Variants in MPHOSPH10 observed in about 807,000 individuals in gnomAD.
MPHOSPH10 encodes U3 small nucleolar ribonucleoprotein MPP10.
MPHOSPH10 carries 33 observed loss-of-function variants against 77.3 expected under a neutral mutation model. That is an observed-to-expected ratio of 0.43 (90% CI 0.32 to 0.57). MPHOSPH10 has a LOEUF of 0.57. Among genes scored for constraint, MPHOSPH10 ranks in the 20% least tolerant of loss-of-function variants. The pLI, the probability that MPHOSPH10 is intolerant of heterozygous loss-of-function variation, is 0.07. For synonymous variants in MPHOSPH10, 245 were observed against 268.0 expected (o/e 0.91, Z 0.84); for missense variants, 708 against 780.1 (o/e 0.91, Z 1.10).
chr2:71,134,917 A>G (rs974473489), intron 4 of MPHOSPH10, 120 bp downstream of exon 4: 2 of 766,668 alleles, frequency 2.6e-6, no homozygotes, highest in South Asian at 1.9e-5. Context: ...CTGTAATCCT[A>G]ACACTTTGGT....
At chr2:71,137,926 T>C (rs1257945726) in intron 4 of MPHOSPH10, among the ~76,000 whole-genome samples, 1 of 151,996 alleles carries the variant, frequency 6.6e-6, no homozygotes, top group Non-Finnish European at 1.5e-5. Flanking sequence ...ACCCCGTCTC[T>C]ACTAAAAAAT....
chr2:71,144,378 T>C, intron 7 of MPHOSPH10, 50 bp from the exon 8 acceptor site: 2 of 1,328,202 alleles, frequency 1.5e-6, no homozygotes, highest in South Asian at 2.4e-5. Flanking sequence ...TTTTGTCCTG[T>C]GATATATATC....
intron 3 of MPHOSPH10, 67 bp downstream of exon 3, chr2:71,134,172 G>A: frequency 7.0e-7 from 1 of 1,431,302 alleles, no homozygotes; most frequent in East Asian, 2.4e-5. Flanking sequence ...TGTACTCGTA[G>A]TTATCAAATG....
intron 5 of MPHOSPH10, 176 bp downstream of exon 5, chr2:71,138,807 G>A (rs1673552578): frequency 2.4e-6 from 2 of 849,742 alleles, no homozygotes; most frequent in Non-Finnish European, 3.8e-6. Flanking sequence ...GGCCGAGGCA[G>A]ACGGATCACC....
intron 10 of MPHOSPH10, 88 bp downstream of exon 10, chr2:71,149,541 G>T: frequency 8.2e-7 from 1 of 1,219,158 alleles, no homozygotes; most frequent in Admixed American, 2.2e-5. Context: ...GTCTGAGCCA[G>T]CTGACAGCCC....
intron 10 of MPHOSPH10, 107 bp downstream of exon 10, chr2:71,149,560 G>T (rs941307986): frequency 1.1e-5 from 11 of 1,032,114 alleles, no homozygotes; most frequent in Non-Finnish European, 8.6e-6. Flanking sequence ...CCACCTGCGG[G>T]ATAGAGATGC....
chr2:71,132,064 A>AT (rs1673398490), intron 1 of MPHOSPH10, among the ~76,000 whole-genome samples: 2 of 151,952 alleles, frequency 1.3e-5, no homozygotes, highest in South Asian at 4.2e-4. Flanking sequence ...TAATGTCTTC[A>AT]TTTTTCTCTA....
At chr2:71,137,561 A>G (rs1489731186) in intron 4 of MPHOSPH10, among the ~76,000 whole-genome samples, 1 of 150,590 alleles carries the variant, frequency 6.6e-6, no homozygotes, top group East Asian at 2.0e-4. Context: ...TGGGAGTCCA[A>G]GGTAAGAGGA....
At position 71,141,234 on chromosome 2, in the gene MPHOSPH10, T is replaced by G. The variant is rs760737514; in HGVS notation, c.1311T>G (p.Ala437=). Residue 437 remains alanine, a splice_region_variant and synonymous_variant, in exon 7 of 11, where the codon GCT becomes GCG. Transcript: ENST00000244230. ...DIIKQRIRDQ[A]WDDVVRKEKP... Reference sequence around the variant, plus strand: ...TCTACCTGCACTTTATGTTTCAGGCTTGGGATGATGTAGTACGTAAAGAAA... The same window carrying G: ...TCTACCTGCACTTTATGTTTCAGGCGTGGGATGATGTAGTACGTAAAGAAA... The G allele has an allele frequency of 4.8e-6, 7 of 1,457,650 alleles. No homozygotes were observed. Among genetic ancestry groups the G allele is most frequent in the Middle Eastern group, 1.8e-4 (1 of 5,526 alleles). The allele number at this position is 1,457,650 out of a possible 1,614,324, so 90.3% of individuals were successfully genotyped here.
chr2:71,140,690 G>A (rs1673593806), intron 6 of MPHOSPH10, among the ~76,000 whole-genome samples: 1 of 152,118 alleles, frequency 6.6e-6, no homozygotes, highest in Non-Finnish European at 1.5e-5. Flanking sequence ...ATCTGATTTT[G>A]TAAACTTAGA....
At chr2:71,140,177 C>T (rs1445104774) in intron 6 of MPHOSPH10, among the ~76,000 whole-genome samples, 1 of 152,162 alleles carries the variant, frequency 6.6e-6, no homozygotes, top group Non-Finnish European at 1.5e-5. Context: ...GGCTTAGGCA[C>T]AGTATCTGGT....
chr2:71,138,727 T>C (rs747756917), intron 5 of MPHOSPH10, 96 bp downstream of exon 5: 1 of 1,533,620 alleles, frequency 6.5e-7, no homozygotes, highest in South Asian at 1.2e-5. Context: ...CCCTCAACTT[T>C]TTATTTTAAA....
chr2:71,130,836 C>A, intron 1 of MPHOSPH10, 82 bp downstream of exon 1: 3 of 1,328,682 alleles, frequency 2.3e-6, no homozygotes, highest in South Asian at 1.3e-5. Flanking sequence ...AATTGTGGAG[C>A]TGGGGGAAGG....
intron 7 of MPHOSPH10, among the ~76,000 whole-genome samples, chr2:71,142,613 G>A (rs1004975266): frequency 1.3e-5 from 2 of 152,210 alleles, no homozygotes; most frequent in Non-Finnish European, 2.9e-5. Flanking sequence ...TGTATGTAAT[G>A]TGGCTCAGAA....
rs1673793205 is a variant in MPHOSPH10 at position 71,149,984 on chromosome 2, A to G, written c.2015A>G (p.Gln672Arg). 1 of 1,437,078 alleles carries G rather than the reference A, an allele frequency of 7.0e-7. No homozygotes were observed. Among genetic ancestry groups the G allele is most frequent in the Non-Finnish European group, 9.5e-7 (1 of 1,053,732 alleles). 89.0% of individuals were successfully genotyped at this position (1,437,078 alleles called of 1,614,324 possible). ...ACAGAAAAGAAAAAGAAGAAAAGACAGGATATTTCTGTTCATAAATTAAAG... is the reference window on the plus strand; with the variant it reads ...ACAGAAAAGAAAAAGAAGAAAAGACGGGATATTTCTGTTCATAAATTAAAG... ...KKTEKKKKKR[Q>R]DISVHKLKL Residue 672 changes from glutamine (Q) to arginine (R), a missense_variant, in exon 11 of 11, where the codon CAG becomes CGG. By Grantham distance (43) the Gln-to-Arg change is conservative (BLOSUM62 1). This residue lies in a region of MPHOSPH10 where 263 missense variants were observed against 320.0 expected (regional missense o/e 0.82). Transcript: ENST00000244230.
intron 1 of MPHOSPH10, 96 bp from the exon 2 acceptor site, chr2:71,132,802 T>C (rs1673413117): frequency 2.1e-6 from 3 of 1,422,600 alleles, no homozygotes; most frequent in Non-Finnish European, 2.8e-6. Flanking sequence ...CATTCAAATT[T>C]TATTTTACAA....
At position 71,132,894 on chromosome 2, in the gene MPHOSPH10, A is replaced by C; in HGVS notation, c.90-4A>C. 1 of 1,592,310 alleles carries C rather than the reference A, an allele frequency of 6.3e-7. No homozygotes were observed. The highest frequency in any genetic ancestry group is 8.6e-7 in the Non-Finnish European group (1 of 1,166,334). On this transcript the variant is annotated splice_polypyrimidine_tract_variant and splice_region_variant and intron_variant, in intron 1 of 10. Coordinates refer to ENST00000244230, the MANE Select transcript of MPHOSPH10 (RefSeq NM_005791.3). ...TCTAAATCTCACTTAATTCCTCCCAATAGGATTCAAGAGGGATTGGCATCA... is the reference window on the plus strand; with the variant it reads ...TCTAAATCTCACTTAATTCCTCCCACTAGGATTCAAGAGGGATTGGCATCA...
intron 4 of MPHOSPH10, among the ~76,000 whole-genome samples, chr2:71,136,914 AC>A: frequency 2.1e-4 from 1 of 4,708 alleles, no homozygotes; most frequent in African/African-American, 1.1e-3. Flanking sequence ...TAGCATTAAA[AC>A]ACACACACAC....
In MPHOSPH10 at chr2:71,133,415, A is replaced by G. The variant is rs1340362583; in HGVS notation, c.607A>G (p.Lys203Glu). ...AAGAGAAAAGTCCATAGTAGATGAT[A>G]AATTCTTCAAACTCTCTGAAATGGA... ...KPREKSIVDD[K>E]FFKLSEMEAY... Residue 203 changes from lysine (K) to glutamate (E), a missense_variant, in exon 2 of 11, where the codon AAA becomes GAA. Physicochemically the swap from Lys to Glu is moderately conservative, Grantham distance 56 (BLOSUM62 1). This residue lies in a region of MPHOSPH10 where 433 missense variants were observed against 432.6 expected (regional missense o/e 1.00). Coordinates refer to ENST00000244230, the MANE Select transcript of MPHOSPH10 (RefSeq NM_005791.3). The G allele has an allele frequency of 6.2e-7, 1 of 1,614,050 alleles. No homozygotes were observed. Among genetic ancestry groups the G allele is most frequent in the African/African-American group, 1.3e-5 (1 of 74,938 alleles).
Sources: allele counts gnomAD v4.1 joint callset (sites outside exome capture counted in the v4.1 genomes callset), GRCh38; gene constraint gnomAD v4.1.1; regional missense constraint gnomAD v4.1.1; transcripts MANE v1.5; gene names NCBI Gene and HGNC (gene_info 2026-07-23, HGNC 2026-07-21).